Variants in DBNDD1 observed in about 807,000 individuals in gnomAD.
DBNDD1 encodes dysbindin domain containing 1.
In DBNDD1, 14 loss-of-function variants were observed where a neutral mutation model predicts 17.0. The observed-to-expected ratio is 0.82, with a 90% confidence interval of 0.54 to 1.29. The LOEUF is 1.29. DBNDD1 is among the 50% of genes most tolerant of loss of function. The pLI is 0.00. For missense variants in DBNDD1, 221 were observed against 216.2 expected (o/e 1.02, Z -0.14); for synonymous variants, 105 against 102.0 (o/e 1.03, Z -0.18).
chr16:90,011,547 C>A (rs1341918665), intron 1 of DBNDD1: 1 of 409,066 alleles, frequency 2.4e-6, no homozygotes, highest in Non-Finnish European at 5.0e-6. Context: ...TCCCCTCGCC[C>A]CGTCGGCCGT....
intron 1 of DBNDD1, among the ~76,000 whole-genome samples, chr16:90,012,741 G>A (rs925625045): frequency 2.7e-5 from 4 of 150,748 alleles, no homozygotes; most frequent in African/African-American, 9.8e-5. Flanking sequence ...TTACAGGCAT[G>A]AGCCACCGCA....
chr16:90,010,037 G>A (rs765773235), intron 1 of DBNDD1: 4 of 1,613,906 alleles, frequency 2.5e-6, no homozygotes, highest in South Asian at 1.1e-5. Context: ...ATTCTTCCAG[G>A]TTTCTCCCAT....
chr16:90,011,844 AC>A (rs1213046476), intron 1 of DBNDD1: 2 of 317,904 alleles, frequency 6.3e-6, no homozygotes, highest in African/African-American at 4.4e-5. Context: ...GAGCAGGGGG[AC>A]CTCCCGGACA....
chr16:90,011,514 G>T (rs2035554442), intron 1 of DBNDD1: 1 of 379,554 alleles, frequency 2.6e-6, no homozygotes, highest in South Asian at 1.9e-5. Flanking sequence ...TGTGCCTGGG[G>T]GCAGCCCTGT....
rs1405812017 is a variant in DBNDD1, at chr16:90,006,032, G to T, written c.*303C>A. The T allele has an allele frequency of 6.4e-6, 2 of 312,556 alleles. No homozygotes were observed. The highest frequency in any genetic ancestry group is 9.1e-4 in the Middle Eastern group (1 of 1,098). The allele number at this position is 312,556 out of a possible 1,614,324, so 19.4% of individuals were successfully genotyped here. A position where few individuals can be genotyped will look rare whatever the true frequency, so the allele number is the denominator to read the frequency against. On this transcript the variant is annotated 3_prime_UTR_variant, in exon 4 of 4. Coordinates refer to ENST00000002501, the MANE Select transcript of DBNDD1 (RefSeq NM_001042610.3). ...TCCGTGACGCTGTCTTCCTGACTCG[G>T]GGCCCAGGAACGAGCTGGACGTAAG...
rs527508689 is a variant in DBNDD1 at position 90,010,613 on chromosome 16, G to A, written c.32-1183C>T. On this transcript the variant is annotated intron_variant, in intron 1 of 3. Coordinates refer to ENST00000002501, the MANE Select transcript of DBNDD1 (RefSeq NM_001042610.3). ...CAAAGTGCTGAGATTATAGGCATGA[G>A]CCACCGTGCCTGGCCCAACTGTTTC... is the stretch of plus-strand genomic sequence containing the variant. Among the ~76,000 whole-genome samples, 105 of 151,552 alleles carry A rather than the reference G, an allele frequency of 6.9e-4. 1 individual carries two copies. The East Asian group carries it at 0.019, about 28-fold the overall frequency.
rs1185677880 is a variant in DBNDD1, at chr16:90,007,930, C to A, written c.319+854G>T. ...CAGGACGTCCCAAGGGGCCTCACCC[C>A]CCAAACACACCTCCCAGGACTTCCC... is the stretch of plus-strand genomic sequence containing the variant. On this transcript the variant is annotated intron_variant, in intron 3 of 3. Transcript: ENST00000002501. 9.3e-3 allele frequency among the ~76,000 whole-genome samples: 1,319 copies of A among 142,510 alleles called. 21 individuals carry two copies. The highest frequency in any genetic ancestry group is 0.03 in the East Asian group (126 of 4,268). 93.5% of individuals were successfully genotyped at this position (142,510 alleles called of 152,430 possible). A position where few individuals can be genotyped will look rare whatever the true frequency, so the allele number is the denominator to read the frequency against.
In DBNDD1 at chr16:90,019,393, C is replaced by T. The variant is rs1297295845; in HGVS notation, c.-52G>A. The T allele has an allele frequency of 3.4e-6, 4 of 1,170,894 alleles. No homozygotes were observed. Among genetic ancestry groups the T allele is most frequent in the African/African-American group, 3.2e-5 (2 of 62,352 alleles). The allele number at this position is 1,170,894 out of a possible 1,614,324, so 72.5% of individuals were successfully genotyped here. ...CGGGCGACGGCGGCGTCGCCTGGCC[C>T]GGGCGCCCCAACAGCTGCGGCAGCG... On this transcript the variant is annotated 5_prime_UTR_variant, in exon 1 of 4. Transcript: ENST00000002501. The surrounding 1 kb of genome is among the most constrained non-coding windows in gnomAD (Gnocchi z 6.1).
At chr16:90,006,638 A>G (rs2078456240) in intron 3 of DBNDD1, 146 bp from the exon 4 acceptor site, 2 of 1,067,372 alleles carry the variant, frequency 1.9e-6, no homozygotes, top group South Asian at 1.6e-5. Context: ...ATCTACCTCT[A>G]ACGGGAGGCC....
intron 1 of DBNDD1, among the ~76,000 whole-genome samples, chr16:90,013,930 CG>C (rs573330736): frequency 8.3e-5 from 9 of 107,882 alleles, no homozygotes; most frequent in African/African-American, 3.1e-4. Context: ...CTGGGTGGGG[CG>C]GGGGGGGACA....
intron 1 of DBNDD1, among the ~76,000 whole-genome samples, chr16:90,011,918 A>C (rs1191726821): frequency 6.6e-6 from 1 of 151,994 alleles, no homozygotes; most frequent in African/African-American, 2.4e-5. Context: ...AGGAGAGGGG[A>C]CTCCAGGAGA....
chr16:90,019,249 G>T lies in DBNDD1; in HGVS notation c.31+62C>A. 4.5e-6 allele frequency: 4 copies of T among 896,174 alleles called. No homozygotes were observed. Among genetic ancestry groups the T allele is most frequent in the African/African-American group, 1.7e-5 (1 of 57,834 alleles). 55.5% of individuals were successfully genotyped at this position (896,174 alleles called of 1,614,324 possible). A position where few individuals can be genotyped will look rare whatever the true frequency, so the allele number is the denominator to read the frequency against. ...GGCGAAGGGTGAGCCCTGGGGGGAGGGGCTGCGGCTCGCTGCGGGGAAGCG... is the reference window on the plus strand; with the variant it reads ...GGCGAAGGGTGAGCCCTGGGGGGAGTGGCTGCGGCTCGCTGCGGGGAAGCG... On this transcript the variant is annotated intron_variant, in intron 1 of 3. Transcript: ENST00000002501. The surrounding 1 kb of genome is among the most constrained non-coding windows in gnomAD (Gnocchi z 6.1).
At chr16:90,009,530 G>C (rs2035511571) in intron 1 of DBNDD1, 100 bp from the exon 2 acceptor site, 17 of 1,539,474 alleles carry the variant, frequency 1.1e-5, no homozygotes, top group Non-Finnish European at 1.5e-5. Context: ...CCAGTCCTTT[G>C]AAACTCTGGG....
intron 1 of DBNDD1, chr16:90,009,791 G>A: frequency 1.4e-6 from 1 of 738,734 alleles, no homozygotes; most frequent in East Asian, 2.8e-5. Context: ...TTTCTAGCTC[G>A]GCCCAGGGTC....
rs538652039 is a variant in DBNDD1, at chr16:90,010,122, T to C, written c.32-692A>G. The stretch of plus-strand genomic sequence containing the variant: ...GTGCAGTGGTGCAATCTCGGCTCAC[T>C]GCAACCTCTGCCCCTTGGGTTTGAG... On this transcript the variant is annotated intron_variant, in intron 1 of 3. Coordinates refer to ENST00000002501, the MANE Select transcript of DBNDD1 (RefSeq NM_001042610.3). 125 of 1,399,732 alleles carry C rather than the reference T, an allele frequency of 8.9e-5. No individual in the cohort carries two copies. The African/African-American group carries it at 1.7e-3, about 19-fold the overall frequency. 86.7% of individuals were successfully genotyped at this position (1,399,732 alleles called of 1,614,324 possible).
At chr16:90,009,258 T>A (rs2035502746) in intron 2 of DBNDD1, 26 bp downstream of exon 2, 1 of 1,610,928 alleles carries the variant, frequency 6.2e-7, no homozygotes, top group East Asian at 2.2e-5. Flanking sequence ...CCCCATAGCG[T>A]GCGCTGGGCA....
chr16:90,011,990 C>T (rs1265098710), intron 1 of DBNDD1, among the ~76,000 whole-genome samples: 1 of 152,230 alleles, frequency 6.6e-6, no homozygotes, highest in Non-Finnish European at 1.5e-5. Flanking sequence ...CCCCAGGCCC[C>T]CGCCCACAGT....
At chr16:90,010,367 C>CTTTT (rs34659525) in intron 1 of DBNDD1, among the ~76,000 whole-genome samples, 1 of 123,794 alleles carries the variant, frequency 8.1e-6, no homozygotes, top group Non-Finnish European at 1.7e-5. Context: ...ACGTAACTAC[C>CTTTT]TTTTTTTTTT....
intron 1 of DBNDD1, among the ~76,000 whole-genome samples, chr16:90,014,790 A>G (rs1425357109): frequency 5.3e-5 from 8 of 152,080 alleles, no homozygotes; most frequent in African/African-American, 1.9e-4. Context: ...GGATCACTTG[A>G]GGCCAGGAGT....
Sources: gnomAD v4.1 joint callset for allele counts (sites outside exome capture counted in the v4.1 genomes callset) on GRCh38, gnomAD v4.1.1 for gene constraint, Gnocchi (gnomAD v3.1) non-coding constraint, MANE v1.5 for transcripts, NCBI Gene and HGNC (gene_info 2026-07-23, HGNC 2026-07-21) for gene names.